Variants in MYO10 observed in about 807,000 individuals in gnomAD.
MYO10 encodes myosin X, also known as unconventional myosin-X.
MYO10 carries 133 observed loss-of-function variants against 257.3 expected under a neutral mutation model. That is an observed-to-expected ratio of 0.52 (90% CI 0.45 to 0.60). MYO10 has a LOEUF of 0.60. Ranked by LOEUF, MYO10 falls within the 20% of genes least tolerant of loss-of-function variation. MYO10 has a pLI of 0.00. For synonymous variants in MYO10, 1,104 were observed against 1,028.6 expected (o/e 1.07, Z -1.40); for missense variants, 2,399 against 2,635.7 (o/e 0.91, Z 1.97).
Position 16,923,098 on chromosome 5 carries a change from G to A in MYO10, c.21+12690C>T, listed in dbSNP as rs561259147. ...TGAACTAGTGCTTTTTCCTGCAATAGTAAGTTGTCCAGTTTCAACGAGAGT... is the reference window on the plus strand; with the variant it reads ...TGAACTAGTGCTTTTTCCTGCAATAATAAGTTGTCCAGTTTCAACGAGAGT... On this transcript the variant is annotated intron_variant, in intron 1 of 40. Transcript: ENST00000513610. Among the ~76,000 whole-genome samples the A allele has an allele frequency of 2.6e-5, 4 of 152,200 alleles. 1 individual carries two copies. In the East Asian group the frequency reaches 7.7e-4, roughly 29 times the overall value.
intron 1 of MYO10, among the ~76,000 whole-genome samples, chr5:16,917,475 TAACA>T (rs1168604038): frequency 4.6e-5 from 7 of 152,104 alleles, no homozygotes; most frequent in Admixed American, 2.0e-4. Flanking sequence ...CCATCAGTGT[TAACA>T]ACCAGAAATG....
intron 20 of MYO10, 42 bp downstream of exon 20, chr5:16,711,079 C>A (rs1283326956): frequency 1.2e-6 from 2 of 1,613,016 alleles, no homozygotes; most frequent in African/African-American, 1.3e-5. Context: ...TTTTCTCCAA[C>A]CCCTTTGAAA....
intron 9 of MYO10, among the ~76,000 whole-genome samples, chr5:16,778,979 C>T (rs1019355446): frequency 3.9e-5 from 6 of 152,064 alleles, no homozygotes; most frequent in East Asian, 1.9e-4. Context: ...CATGAGCCAC[C>T]GCGCCTGGCC....
In MYO10 at chr5:16,670,985, G is replaced by T; in HGVS notation, c.5431-7C>A. ...GGATAACCGCTTCGTGGGCCTGAAA[G>T]GAGACAGTCAACAGCTTTCCGGTCA... is the stretch of plus-strand genomic sequence containing the variant. On this transcript the variant is annotated splice_region_variant and splice_polypyrimidine_tract_variant and intron_variant, in intron 38 of 40. Coordinates refer to ENST00000513610, the MANE Select transcript of MYO10 (RefSeq NM_012334.3). 6.2e-7 allele frequency: 1 copy of T among 1,601,420 alleles called. No homozygotes were observed. Among genetic ancestry groups the T allele is most frequent in the Non-Finnish European group, 8.5e-7 (1 of 1,171,306 alleles).
intron 2 of MYO10, among the ~76,000 whole-genome samples, chr5:16,842,033 C>A (rs562726165): frequency 6.6e-6 from 1 of 151,590 alleles, no homozygotes. Flanking sequence ...GGGGTGGGGG[C>A]AGTTCCACAT....
At chr5:16,714,844 G>A (rs1738778804) in intron 19 of MYO10, among the ~76,000 whole-genome samples, 1 of 152,108 alleles carries the variant, frequency 6.6e-6, no homozygotes, top group Admixed American at 6.5e-5. Context: ...ACAAATTGTA[G>A]CAGGGAGTGG....
chr5:16,738,249 G>T, intron 19 of MYO10: 12 of 985,406 alleles, frequency 1.2e-5, no homozygotes, highest in Non-Finnish European at 1.3e-5. Context: ...TCAAGAGGAG[G>T]AGGGGTGGTC....
chr5:16,851,537 A>G (rs1410406286), intron 2 of MYO10, among the ~76,000 whole-genome samples: 3 of 152,190 alleles, frequency 2.0e-5, no homozygotes, highest in Non-Finnish European at 2.9e-5. Context: ...AATTGTATAA[A>G]TGTAAGGCCC....
At chr5:16,922,585 G>A (rs1746019507) in intron 1 of MYO10, among the ~76,000 whole-genome samples, 1 of 152,166 alleles carries the variant, frequency 6.6e-6, no homozygotes, top group African/African-American at 2.4e-5. Context: ...GTGAGCTGCA[G>A]CAGGCAGCAG....
At chr5:16,861,140 T>G (rs73754019) in intron 2 of MYO10, among the ~76,000 whole-genome samples, 5,172 of 151,820 alleles carry the variant, frequency 0.034, 289 homozygotes, top group African/African-American at 0.12. Context: ...TTACGTGCAG[T>G]CAGGGTTGAG....
intron 3 of MYO10, among the ~76,000 whole-genome samples, chr5:16,816,808 G>A (rs569880663): frequency 3.3e-5 from 5 of 151,448 alleles, no homozygotes; most frequent in South Asian, 4.2e-4. Context: ...GATTACAGGC[G>A]TGAGCCACCG....
intron 21 of MYO10, among the ~76,000 whole-genome samples, chr5:16,705,054 A>G (rs1462546376): frequency 1.3e-5 from 2 of 152,186 alleles, no homozygotes; most frequent in South Asian, 2.1e-4. Flanking sequence ...TGGTCACTAC[A>G]TTGAGTCTAC....
At chr5:16,817,893 T>C in intron 3 of MYO10, 116 bp downstream of exon 3, 1 of 963,074 alleles carries the variant, frequency 1.0e-6, no homozygotes, top group Non-Finnish European at 1.4e-6. Context: ...CTTGAAAACA[T>C]AATTTTACTT....
At chr5:16,702,520 T>C in intron 24 of MYO10, 23 bp downstream of exon 24, 1 of 1,583,266 alleles carries the variant, frequency 6.3e-7, no homozygotes, top group East Asian at 2.3e-5. Flanking sequence ...CACAAGAGGC[T>C]AAGTTGTCAC....
chr5:16,763,186 T>G (rs1347972305), intron 14 of MYO10, among the ~76,000 whole-genome samples: 1 of 152,158 alleles, frequency 6.6e-6, no homozygotes, highest in African/African-American at 2.4e-5. Context: ...CTTTTACAAC[T>G]GGCAAATCTA....
At chr5:16,823,460 GA>G (rs1419878334) in intron 2 of MYO10, among the ~76,000 whole-genome samples, 11 of 13,260 alleles carry the variant, frequency 8.3e-4, no homozygotes, top group Admixed American at 1.3e-3. Context: ...GGGGGGGGGG[GA>G]GTGGGGATTT....
At chr5:16,721,014 T>C (rs1739134819) in intron 19 of MYO10, among the ~76,000 whole-genome samples, 1 of 152,226 alleles carries the variant, frequency 6.6e-6, no homozygotes, top group Non-Finnish European at 1.5e-5. Context: ...GGTATATTTG[T>C]ATTTGCATTT....
chr5:16,908,126 GGGA>G (rs1745564103), intron 1 of MYO10, among the ~76,000 whole-genome samples: 1 of 151,766 alleles, frequency 6.6e-6, no homozygotes, highest in Non-Finnish European at 1.5e-5. Flanking sequence ...CCAGCTACTC[GGGA>G]GGCTGAGGCA....
At chr5:16,751,613 C>G (rs1740378765) in intron 19 of MYO10, among the ~76,000 whole-genome samples, 1 of 151,768 alleles carries the variant, frequency 6.6e-6, no homozygotes, top group African/African-American at 2.4e-5. Context: ...TCCCAAGTAG[C>G]TGGGATTACA....
Sources: allele counts gnomAD v4.1 joint callset (sites outside exome capture counted in the v4.1 genomes callset), GRCh38; gene constraint gnomAD v4.1.1; transcripts MANE v1.5; gene names NCBI Gene and HGNC (gene_info 2026-07-23, HGNC 2026-07-21).